Variants in PLCL1 observed in about 807,000 individuals in gnomAD.
PLCL1 encodes inactive phospholipase C-like protein 1.
In PLCL1, 41 loss-of-function variants were observed where a neutral mutation model predicts 84.4. The ratio of observed to expected loss-of-function variants is 0.49; its 90% CI spans 0.38 to 0.63. The LOEUF (loss-of-function observed/expected upper bound fraction) is 0.63, where lower values mean the gene tolerates loss of function less well. Ranked by LOEUF, PLCL1 falls within the 30% of genes least tolerant of loss-of-function variation. The probability of loss-of-function intolerance (pLI) is 0.00; values close to 1 mark genes in which losing one functional copy is unlikely to be tolerated. For missense variants in PLCL1, 1,206 were observed against 1,367.8 expected, an observed-to-expected ratio of 0.88 and a Z score of 1.87; for synonymous variants, 490 against 488.3, an observed-to-expected ratio of 1.00 and a Z score of -0.05.
At chr2:198,127,835 G>A (rs542372035) in intron 5 of PLCL1, among the ~76,000 whole-genome samples, 1 of 152,238 alleles carries the variant, frequency 6.6e-6, no homozygotes, top group South Asian at 2.1e-4. Flanking sequence ...TCCAAAGCAG[G>A]GGAGCCACCT....
At chr2:197,937,868 T>G (rs768435893) in intron 1 of PLCL1, among the ~76,000 whole-genome samples, 2 of 152,148 alleles carry the variant, frequency 1.3e-5, no homozygotes, top group Non-Finnish European at 2.9e-5. Flanking sequence ...TTTTTTTCCA[T>G]GTACAGGAAT....
At chr2:197,974,151 A>G (rs536058196) in intron 1 of PLCL1, among the ~76,000 whole-genome samples, 28 of 152,308 alleles carry the variant, frequency 1.8e-4, no homozygotes, top group African/African-American at 6.3e-4. Context: ...AGGGCTATTT[A>G]TGAGGAGGGA....
At chr2:197,880,274 C>G (rs889233658) in intron 1 of PLCL1, among the ~76,000 whole-genome samples, 16 of 151,668 alleles carry the variant, frequency 1.1e-4, no homozygotes, top group Non-Finnish European at 1.5e-5. Flanking sequence ...TATTTTTTTC[C>G]TCATAGAGGC....
chr2:198,047,146 G>A (rs1691823584), intron 1 of PLCL1, among the ~76,000 whole-genome samples: 1 of 142,896 alleles, frequency 7.0e-6, no homozygotes, highest in Non-Finnish European at 1.5e-5. Context: ...TATGAACCAG[G>A]AGAGATGCAT....
intron 1 of PLCL1, among the ~76,000 whole-genome samples, chr2:198,052,129 C>T (rs371480695): frequency 1.3e-5 from 2 of 152,222 alleles, no homozygotes; most frequent in South Asian, 2.1e-4. Context: ...CCAGGCTGGT[C>T]TCGAACTCCC....
At chr2:198,134,099 A>C (rs1050517368) in intron 5 of PLCL1, among the ~76,000 whole-genome samples, 2 of 152,188 alleles carry the variant, frequency 1.3e-5, no homozygotes, top group Admixed American at 6.6e-5. Flanking sequence ...GATGCTACTC[A>C]TTCAACTTTT....
At chr2:198,049,590 G>A (rs1691880353) in intron 1 of PLCL1, among the ~76,000 whole-genome samples, 1 of 152,188 alleles carries the variant, frequency 6.6e-6, no homozygotes, top group Non-Finnish European at 1.5e-5. Context: ...GTTAGGTGGT[G>A]CTGTCCAATA....
intron 1 of PLCL1, among the ~76,000 whole-genome samples, chr2:198,069,988 T>C (rs141978996): frequency 6.6e-6 from 1 of 152,174 alleles, no homozygotes; most frequent in Non-Finnish European, 1.5e-5. Flanking sequence ...TTCTGAAGAT[T>C]TGGGAGTGTG....
intron 1 of PLCL1, among the ~76,000 whole-genome samples, chr2:197,917,416 T>C (rs1688618373): frequency 6.6e-6 from 1 of 152,214 alleles, no homozygotes; most frequent in East Asian, 1.9e-4. Context: ...TTATATGATA[T>C]TCTGGAAAAG....
At chr2:198,092,833 A>C (rs936334387) in intron 3 of PLCL1, among the ~76,000 whole-genome samples, 2 of 152,162 alleles carry the variant, frequency 1.3e-5, no homozygotes, top group African/African-American at 4.8e-5. Flanking sequence ...GTTAGATCCT[A>C]TCTGTATATT....
chr2:198,086,167 G>T lies in PLCL1; in HGVS notation c.2650G>T (p.Asp884Tyr). Reference protein sequence around the residue: ...MLRNIGLKTIDDIFKIAVHPL... With the variant: ...MLRNIGLKTIYDIFKIAVHPL... ...CAGGAATATCGGTCTTAAAACCATT[G>T]ATGACATCTTTAAAATAGCGGTTCA... Residue 884 changes from aspartate to tyrosine, a missense_variant, in exon 2 of 6, where the codon GAT becomes TAT. By Grantham distance (160) the Asp-to-Tyr change is radical. Coordinates refer to ENST00000428675, the MANE Select transcript of PLCL1 (RefSeq NM_006226.4). 1.2e-6 allele frequency: 2 copies of T among 1,613,850 alleles called. No individual in the cohort carries two copies. The highest frequency in any genetic ancestry group is 1.7e-6 in the Non-Finnish European group (2 of 1,179,806).
At chr2:197,835,397 T>A (rs1691165002) in intron 1 of PLCL1, among the ~76,000 whole-genome samples, 1 of 152,222 alleles carries the variant, frequency 6.6e-6, no homozygotes, top group Non-Finnish European at 1.5e-5. Flanking sequence ...CATTGTTATA[T>A]TCCCAGTATA....
At chr2:197,809,251 G>A (rs1466443185) in intron 1 of PLCL1, among the ~76,000 whole-genome samples, 1 of 152,184 alleles carries the variant, frequency 6.6e-6, no homozygotes, top group Non-Finnish European at 1.5e-5. Flanking sequence ...ACTCTCTAAA[G>A]TATGGAAGGA....
At chr2:197,927,641 G>A (rs1305210218) in intron 1 of PLCL1, among the ~76,000 whole-genome samples, 4 of 152,190 alleles carry the variant, frequency 2.6e-5, no homozygotes, top group Non-Finnish European at 4.4e-5. Flanking sequence ...AAATGGCTAT[G>A]CTGGTTTCCA....
chr2:198,084,986 G>A lies in PLCL1; in HGVS notation c.1469G>A (p.Cys490Tyr). ...GCTTCTGAATACCCACTCATTCTTTGCTTGGGAAATCACTGCTCCTTGCCG... is the reference window on the plus strand; with the variant it reads ...GCTTCTGAATACCCACTCATTCTTTACTTGGGAAATCACTGCTCCTTGCCG... ...FVASEYPLIL[C>Y]LGNHCSLPQQ... is the part of the protein sequence containing the mutation. The change falls in exon 2 of 6, where the codon TGC (cysteine) becomes TAC (tyrosine). Residue 490 changes from cysteine to tyrosine, a missense_variant. Coordinates refer to ENST00000428675, the MANE Select transcript of PLCL1 (RefSeq NM_006226.4). The A allele has an allele frequency of 6.2e-7, 1 of 1,613,966 alleles. No individual in the cohort carries two copies. Among genetic ancestry groups the A allele is most frequent in the Non-Finnish European group, 8.5e-7 (1 of 1,179,986 alleles).
At chr2:197,975,635 C>CA (rs1553507295) in intron 1 of PLCL1, among the ~76,000 whole-genome samples, 3 of 152,022 alleles carry the variant, frequency 2.0e-5, no homozygotes, top group Non-Finnish European at 4.4e-5. Flanking sequence ...GAGACCCCCC[C>CA]ATCTCTAAAA....
At chr2:198,034,783 A>G (rs112163196) in intron 1 of PLCL1, among the ~76,000 whole-genome samples, 23 of 152,224 alleles carry the variant, frequency 1.5e-4, no homozygotes, top group African/African-American at 5.3e-4. Context: ...TCAATCCAGG[A>G]TCACATGTTG....
chr2:197,919,362 T>C (rs571203762), intron 1 of PLCL1, among the ~76,000 whole-genome samples: 11 of 152,360 alleles, frequency 7.2e-5, no homozygotes, highest in African/African-American at 2.6e-4. Context: ...AGTTTTGTAC[T>C]GAAGCACAAA....
At chr2:198,071,383 A>G (rs1050754501) in intron 1 of PLCL1, among the ~76,000 whole-genome samples, 1 of 151,936 alleles carries the variant, frequency 6.6e-6, no homozygotes, top group Non-Finnish European at 1.5e-5. Flanking sequence ...TTGCTGGATC[A>G]AAGTAGATGC....
Sources: gnomAD v4.1 joint callset for allele counts (sites outside exome capture counted in the v4.1 genomes callset) on GRCh38, gnomAD v4.1.1 for gene constraint, MANE v1.5 for transcripts, NCBI Gene and HGNC (gene_info 2026-07-23, HGNC 2026-07-21) for gene names.